Variants in SLC25A38 observed in about 807,000 individuals in gnomAD.
SLC25A38 encodes the protein solute carrier family 25 member 38, also known as mitochondrial glycine transporter.
SLC25A38 carries 27 observed loss-of-function variants against 33.4 expected under a neutral mutation model. The ratio of observed to expected loss-of-function variants is 0.81; its 90% CI spans 0.60 to 1.11. SLC25A38 has a LOEUF of 1.11. Ranked by LOEUF, SLC25A38 falls within the 50% of genes most tolerant of loss-of-function variation. The pLI, the probability that SLC25A38 is intolerant of heterozygous loss-of-function variation, is 0.00. For missense variants in SLC25A38, 344 were observed against 388.8 expected (o/e 0.88, Z 0.97); for synonymous variants, 123 against 145.9 (o/e 0.84, Z 1.13).
intron 1 of SLC25A38, among the ~76,000 whole-genome samples, chr3:39,385,394 C>A (rs969860990): frequency 7.9e-5 from 12 of 152,096 alleles, no homozygotes; most frequent in Admixed American, 2.6e-4. Context: ...ATATTTCCTG[C>A]AATCAAGGGT....
At chr3:39,395,262 G>A (rs900744228) in intron 6 of SLC25A38, among the ~76,000 whole-genome samples, 2 of 152,186 alleles carry the variant, frequency 1.3e-5, no homozygotes, top group Non-Finnish European at 2.9e-5. Flanking sequence ...TGGACAAATG[G>A]TGGTATTGAA....
At chr3:39,388,245 C>T (rs921559127) in intron 1 of SLC25A38, 4 of 152,178 alleles carry the variant, frequency 2.6e-5, no homozygotes, top group African/African-American at 7.2e-5. Flanking sequence ...AATACGCACA[C>T]CTTACTTGGT....
intron 1 of SLC25A38, 105 bp downstream of exon 1, chr3:39,383,898 G>A: frequency 7.8e-7 from 1 of 1,282,190 alleles, no homozygotes; most frequent in Non-Finnish European, 1.1e-6. Context: ...GCGCCCCAGG[G>A]TGCGCTCAGG....
chr3:39,391,398 T>C, intron 3 of SLC25A38, 43 bp from the exon 4 acceptor site: 1 of 1,611,386 alleles, frequency 6.2e-7, no homozygotes, highest in Non-Finnish European at 8.5e-7. Context: ...ATACTTAAAG[T>C]GTTTGGTCTT....
Position 39,390,654 on chromosome 3 carries a change from C to A in SLC25A38, c.276+147C>A, listed in dbSNP as rs1575244765. 7 of 808,102 alleles carry A rather than the reference C, an allele frequency of 8.7e-6. No homozygotes were observed. The East Asian group carries it at 1.5e-4, about 18-fold the overall frequency. 50.1% of individuals were successfully genotyped at this position (808,102 alleles called of 1,614,324 possible). ...GTCTTATCTCTCATACTACAACTAA[C>A]TTCTGTTTGAAGGCTCAGGGATATG... On this transcript the variant is annotated intron_variant, in intron 3 of 6. Transcript: ENST00000650617.
At chr3:39,394,290 G>A (rs941102021) in intron 5 of SLC25A38, 120 bp from the exon 6 acceptor site, 14 of 1,273,730 alleles carry the variant, frequency 1.1e-5, no homozygotes, top group Admixed American at 3.4e-5. Flanking sequence ...TTTTGAATTC[G>A]TAGCCTCATT....
Position 39,390,555 on chromosome 3 carries a change from A to T in SLC25A38, c.276+48A>T, listed in dbSNP as rs41285140. 1.2e-3 allele frequency: 1,882 copies of T among 1,570,992 alleles called. 2 individuals are homozygous for T. Among genetic ancestry groups the T allele is most frequent in the Non-Finnish European group, 1.5e-3 (1,767 of 1,140,942 alleles). On this transcript the variant is annotated intron_variant, in intron 3 of 6. Coordinates refer to ENST00000650617, the MANE Select transcript of SLC25A38 (RefSeq NM_017875.4). ...GTTCCCTAGCATCCACTCCTTAATA[A>T]CCAGCTATTTCTCATCTACCTTACC...
chr3:39,396,321 C>A (rs1011942209), intron 6 of SLC25A38, 77 bp from the exon 7 acceptor site: 1 of 1,590,758 alleles, frequency 6.3e-7, no homozygotes, highest in Non-Finnish European at 8.6e-7. Context: ...AACAGAGACC[C>A]TCACTGTGGT....
Position 39,389,312 on chromosome 3 carries a change from A to G in SLC25A38, c.70-183A>G, listed in dbSNP as rs752497354. ...CCTCTTGCAGCATCCAATGTCCTCA[A>G]TAACATTGCAGTATTTTTAATTTCT... On this transcript the variant is annotated intron_variant, in intron 1 of 6. Transcript: ENST00000650617. This position sits in a 1 kb window ranked among gnomAD's most constrained non-coding sequence, Gnocchi z 4.5. The G allele has an allele frequency of 1.3e-5, 12 of 907,380 alleles. No homozygotes were observed. In the South Asian group the frequency reaches 1.4e-4, roughly 11 times the overall value. 56.2% of individuals were successfully genotyped at this position (907,380 alleles called of 1,614,324 possible).
Position 39,389,729 on chromosome 3 carries a change from G to A in SLC25A38, c.191+113G>A. On this transcript the variant is annotated intron_variant, in intron 2 of 6. Coordinates refer to ENST00000650617, the MANE Select transcript of SLC25A38 (RefSeq NM_017875.4). The surrounding 1 kb of genome is among the most constrained non-coding windows in gnomAD (Gnocchi z 4.5). Reference sequence around the variant, plus strand: ...GTTGGATGTTCAGAGAGAAACACAGGCCATGCCCAACTTTCATATGTTCTC... The same window carrying A: ...GTTGGATGTTCAGAGAGAAACACAGACCATGCCCAACTTTCATATGTTCTC... The A allele has an allele frequency of 6.5e-7, 1 of 1,543,858 alleles. No individual in the cohort carries two copies. Among genetic ancestry groups the A allele is most frequent in the East Asian group, 2.3e-5 (1 of 44,444 alleles).
In SLC25A38 at chr3:39,383,574, T is replaced by C; in HGVS notation, c.-151T>C. 1.3e-6 allele frequency: 1 copy of C among 795,058 alleles called. No individual in the cohort carries two copies. Among genetic ancestry groups the C allele is most frequent in the Non-Finnish European group, 2.1e-6 (1 of 481,624 alleles). 49.3% of individuals were successfully genotyped at this position (795,058 alleles called of 1,614,324 possible). A position where few individuals can be genotyped will look rare whatever the true frequency, so the allele number is the denominator to read the frequency against. On this transcript the variant is annotated 5_prime_UTR_variant, in exon 1 of 7. Transcript: ENST00000650617. Reference sequence around the variant, plus strand: ...CAGGATCCGAACCCCGGCGGCTGCGTGCTTATAGGCGCAGACGTCAGAGAG... The same window carrying C: ...CAGGATCCGAACCCCGGCGGCTGCGCGCTTATAGGCGCAGACGTCAGAGAG...
At chr3:39,385,248 A>G (rs1270464792) in intron 1 of SLC25A38, among the ~76,000 whole-genome samples, 1 of 152,200 alleles carries the variant, frequency 6.6e-6, no homozygotes, top group Admixed American at 6.5e-5. Context: ...AAGTTGATCT[A>G]TACTGCTAGT....
In SLC25A38 at chr3:39,396,542, G is replaced by C. The variant is rs1480402528; in HGVS notation, c.*22G>C. The C allele has an allele frequency of 9.9e-6, 16 of 1,613,892 alleles. No individual in the cohort carries two copies. Among genetic ancestry groups the C allele is most frequent in the Non-Finnish European group, 1.3e-5 (15 of 1,179,932 alleles). ...CTGACCAAGAGAGGACTGGGAACGG[G>C]TGAAATCTGTTGCCCTGCTTGGTTT... On this transcript the variant is annotated 3_prime_UTR_variant, in exon 7 of 7. Coordinates refer to ENST00000650617, the MANE Select transcript of SLC25A38 (RefSeq NM_017875.4).
In SLC25A38 at chr3:39,389,740, C is replaced by A. The variant is rs2041740922; in HGVS notation, c.191+124C>A. On this transcript the variant is annotated intron_variant, in intron 2 of 6. Coordinates refer to ENST00000650617, the MANE Select transcript of SLC25A38 (RefSeq NM_017875.4). This position sits in a 1 kb window ranked among gnomAD's most constrained non-coding sequence, Gnocchi z 4.5. ...AGAGAGAAACACAGGCCATGCCCAA[C>A]TTTCATATGTTCTCTGAATTGTTTT... The A allele has an allele frequency of 6.8e-7, 1 of 1,472,126 alleles. No individual in the cohort carries two copies. Among genetic ancestry groups the A allele is most frequent in the Non-Finnish European group, 9.4e-7 (1 of 1,058,498 alleles). 91.2% of individuals were successfully genotyped at this position (1,472,126 alleles called of 1,614,324 possible). A position where few individuals can be genotyped will look rare whatever the true frequency, so the allele number is the denominator to read the frequency against.
At chr3:39,395,013 A>T (rs1477158376) in intron 6 of SLC25A38, among the ~76,000 whole-genome samples, 1 of 152,160 alleles carries the variant, frequency 6.6e-6, no homozygotes, top group Non-Finnish European at 1.5e-5. Flanking sequence ...GTTTGCTCTA[A>T]TATACAGGTG....
intron 5 of SLC25A38, among the ~76,000 whole-genome samples, chr3:39,394,101 A>G (rs1002232412): frequency 4.6e-5 from 7 of 152,182 alleles, no homozygotes; most frequent in Non-Finnish European, 1.0e-4. Context: ...TGTAATGTCT[A>G]AGTATCTTTG....
Position 39,389,285 on chromosome 3 carries a change from T to C in SLC25A38, c.70-210T>C. 1.3e-6 allele frequency: 1 copy of C among 772,164 alleles called. No homozygotes were observed. Among genetic ancestry groups the C allele is most frequent in the Non-Finnish European group, 2.2e-6 (1 of 446,964 alleles). The allele number at this position is 772,164 out of a possible 1,614,324, so 47.8% of individuals were successfully genotyped here. A position where few individuals can be genotyped will look rare whatever the true frequency, so the allele number is the denominator to read the frequency against. The stretch of plus-strand genomic sequence containing the variant: ...CTATCAGCAATACGAAGACCAGAGA[T>C]ACCTCTTGCAGCATCCAATGTCCTC... On this transcript the variant is annotated intron_variant, in intron 1 of 6. Transcript: ENST00000650617. The surrounding 1 kb of genome is among the most constrained non-coding windows in gnomAD (Gnocchi z 4.5).
chr3:39,391,414 T>G, intron 3 of SLC25A38, 27 bp from the exon 4 acceptor site: 1 of 1,612,468 alleles, frequency 6.2e-7, no homozygotes, highest in Non-Finnish European at 8.5e-7. Flanking sequence ...GTCTTTGATT[T>G]TCTTTTCTCC....
Position 39,383,754 on chromosome 3 carries a change from G to A in SLC25A38, c.30G>A (p.Leu10=). The change falls in exon 1 of 7, where the codon CTG becomes CTA. Residue 10 remains leucine, a synonymous_variant. Coordinates refer to ENST00000650617, the MANE Select transcript of SLC25A38 (RefSeq NM_017875.4). The part of the protein sequence containing the change: MIQNSRPSL[L]QPQDVGDTVE... ...TTCAGAACTCACGTCCGTCGCTGCT[G>A]CAACCCCAAGATGTCGGAGACACGG... The A allele has an allele frequency of 6.2e-7, 1 of 1,614,184 alleles. No homozygotes were observed.
Sources: gnomAD v4.1 joint callset for allele counts (sites outside exome capture counted in the v4.1 genomes callset) on GRCh38, gnomAD v4.1.1 for gene constraint, Gnocchi (gnomAD v3.1) non-coding constraint, MANE v1.5 for transcripts, NCBI Gene and HGNC (gene_info 2026-07-23, HGNC 2026-07-21) for gene names.